SYN3: variants seen among roughly 807,000 people sequenced by gnomAD.
SYN3 encodes the protein synapsin III.
In SYN3, 35 loss-of-function variants were observed where a neutral mutation model predicts 65.8. That is an observed-to-expected ratio of 0.53 (90% CI 0.41 to 0.70). The LOEUF is 0.70. Ranked by LOEUF, SYN3 falls within the 30% of genes least tolerant of loss-of-function variation. The pLI, the probability that SYN3 is intolerant of heterozygous loss-of-function variation, is 0.00. For missense variants in SYN3, 680 were observed against 749.0 expected (o/e 0.91, Z 1.08); for synonymous variants, 270 against 292.9 (o/e 0.92, Z 0.80).
chr22:32,565,446 CAT>C (rs1052837370), intron 7 of SYN3, among the ~76,000 whole-genome samples: 6 of 151,308 alleles, frequency 4.0e-5, no homozygotes, highest in African/African-American at 9.7e-5. Context: ...TATACACACA[CAT>C]ATACATATAA....
chr22:32,587,293 T>A (rs1166413480), intron 7 of SYN3, among the ~76,000 whole-genome samples: 3 of 104,168 alleles, frequency 2.9e-5, no homozygotes, highest in African/African-American at 1.2e-4. Context: ...CAAAAGGGAG[T>A]GGCAGGTAGG....
At chr22:32,662,955 C>T (rs921622065) in intron 6 of SYN3, among the ~76,000 whole-genome samples, 1 of 152,160 alleles carries the variant, frequency 6.6e-6, no homozygotes, top group East Asian at 1.9e-4. Flanking sequence ...AAGAGATTCC[C>T]TCATGTTCCT....
In SYN3 at chr22:32,869,089, C is replaced by T. The variant is rs2048769129; in HGVS notation, c.498G>A (p.Gln166=). The part of the protein sequence containing the change: ...SFKPDFILVR[Q]HAYSMALGED... Reference sequence around the variant, plus strand: ...CCCCCAGGGCCATGCTGTAGGCATGCTGGCGGACCAGGATGAAGTCTGGCT... The same window carrying T: ...CCCCCAGGGCCATGCTGTAGGCATGTTGGCGGACCAGGATGAAGTCTGGCT... The change falls in exon 5 of 14, where the codon CAG becomes CAA. Residue 166 remains glutamine (Q), a synonymous_variant. Coordinates refer to ENST00000358763, the MANE Select transcript of SYN3 (RefSeq NM_003490.4). 5 of 1,613,868 alleles carry T rather than the reference C, an allele frequency of 3.1e-6. No individual in the cohort carries two copies. Among genetic ancestry groups the T allele is most frequent in the South Asian group, 1.1e-5 (1 of 91,052 alleles).
At chr22:32,797,207 C>T (rs1038269827) in intron 6 of SYN3, among the ~76,000 whole-genome samples, 1 of 152,158 alleles carries the variant, frequency 6.6e-6, no homozygotes, top group Non-Finnish European at 1.5e-5. Flanking sequence ...CGTGAACTCT[C>T]CAAGGAGCCA....
intron 6 of SYN3, among the ~76,000 whole-genome samples, chr22:32,794,326 T>C (rs560284291): frequency 6.6e-6 from 1 of 152,198 alleles, no homozygotes; most frequent in Non-Finnish European, 1.5e-5. Context: ...ATGAGTCCTC[T>C]AGCCTATGTG....
chr22:32,833,857 G>T, intron 6 of SYN3: 1 of 501,046 alleles, frequency 2.0e-6, no homozygotes, highest in South Asian at 1.4e-5. Flanking sequence ...GATCATGCAT[G>T]GAAAGTGCCT....
chr22:32,677,657 C>T (rs1192669609), intron 6 of SYN3, among the ~76,000 whole-genome samples: 5 of 151,952 alleles, frequency 3.3e-5, no homozygotes, highest in Admixed American at 6.6e-5. Context: ...AAAAATTAGC[C>T]GGTCGTGGTG....
chr22:32,552,892 C>T (rs2058437763), intron 7 of SYN3, among the ~76,000 whole-genome samples: 1 of 152,170 alleles, frequency 6.6e-6, no homozygotes, highest in African/African-American at 2.4e-5. Flanking sequence ...CACAAAATAC[C>T]AGAGACTAGG....
At chr22:32,930,224 G>A (rs2050588917) in intron 4 of SYN3, among the ~76,000 whole-genome samples, 1 of 152,168 alleles carries the variant, frequency 6.6e-6, no homozygotes, top group Non-Finnish European at 1.5e-5. Flanking sequence ...CCTGGTGGGA[G>A]GTAATTGAAT....
chr22:32,941,834 C>A (rs141651463), intron 3 of SYN3, among the ~76,000 whole-genome samples: 1 of 152,222 alleles, frequency 6.6e-6, no homozygotes, highest in Non-Finnish European at 1.5e-5. Context: ...CCCACGCCCA[C>A]GGAGCCTCGC....
chr22:32,624,010 G>A (rs1418136001), intron 6 of SYN3, among the ~76,000 whole-genome samples: 2 of 152,198 alleles, frequency 1.3e-5, no homozygotes, highest in Non-Finnish European at 2.9e-5. Context: ...CATAACAAAC[G>A]ATGCTCACAA....
At chr22:32,560,048 CTG>C (rs1160666564) in intron 7 of SYN3, among the ~76,000 whole-genome samples, 6 of 152,230 alleles carry the variant, frequency 3.9e-5, no homozygotes. Flanking sequence ...AGTAAACACA[CTG>C]TGCCTGCAGC....
intron 7 of SYN3, among the ~76,000 whole-genome samples, chr22:32,542,128 G>A (rs921620756): frequency 6.6e-6 from 1 of 152,194 alleles, no homozygotes; most frequent in Non-Finnish European, 1.5e-5. Flanking sequence ...CTCTGGGAAG[G>A]AGCTAGGATT....
intron 3 of SYN3, among the ~76,000 whole-genome samples, chr22:32,942,020 G>T (rs551981085): frequency 6.6e-6 from 1 of 152,236 alleles, no homozygotes; most frequent in Non-Finnish European, 1.5e-5. Flanking sequence ...ACCTCTGGGG[G>T]CAGGGCATAG....
At chr22:32,926,845 C>T (rs999074976) in intron 4 of SYN3, among the ~76,000 whole-genome samples, 3 of 152,150 alleles carry the variant, frequency 2.0e-5, no homozygotes, top group African/African-American at 4.8e-5. Flanking sequence ...CATGAGAGGG[C>T]GAATCCAGAA....
intron 6 of SYN3, among the ~76,000 whole-genome samples, chr22:32,756,220 T>TA (rs965202350): frequency 2.3e-4 from 33 of 144,248 alleles, no homozygotes; most frequent in African/African-American, 3.3e-4. Flanking sequence ...AAAGTTCAAT[T>TA]AAAAAAAAAA....
At chr22:32,766,199 G>A (rs1365837634) in intron 6 of SYN3, among the ~76,000 whole-genome samples, 1 of 152,168 alleles carries the variant, frequency 6.6e-6, no homozygotes, top group Non-Finnish European at 1.5e-5. Flanking sequence ...CTTAGGGAAG[G>A]GATCAGGTGG....
intron 6 of SYN3, among the ~76,000 whole-genome samples, chr22:32,791,304 G>T (rs117796702): frequency 2.0e-5 from 3 of 152,152 alleles, no homozygotes; most frequent in Non-Finnish European, 1.5e-5. Flanking sequence ...TTCAATTTAC[G>T]CTTAGAGAGC....
At chr22:32,935,103 A>G (rs990777781) in intron 3 of SYN3, among the ~76,000 whole-genome samples, 3 of 152,208 alleles carry the variant, frequency 2.0e-5, no homozygotes, top group Non-Finnish European at 4.4e-5. Context: ...CACTAAGTGT[A>G]TGGTAATTGT....
Sources: gnomAD v4.1 joint callset for allele counts (sites outside exome capture counted in the v4.1 genomes callset) on GRCh38, gnomAD v4.1.1 for gene constraint, MANE v1.5 for transcripts, NCBI Gene and HGNC (gene_info 2026-07-23, HGNC 2026-07-21) for gene names.